The following TNC variants were observed in gnomAD, a reference collection of about 807,000 sequenced individuals.
TNC encodes tenascin C.
In TNC, 109 loss-of-function variants were observed where a neutral mutation model predicts 202.4. That is an observed-to-expected ratio of 0.54 (90% CI 0.46 to 0.63). TNC has a LOEUF of 0.63. Among genes scored for constraint, TNC ranks in the 30% least tolerant of loss-of-function variants. The pLI, the probability that TNC is intolerant of heterozygous loss-of-function variation, is 0.00. For missense variants in TNC, 2,756 were observed against 2,833.3 expected (o/e 0.97, Z 0.62); for synonymous variants, 1,007 against 1,089.7 (o/e 0.92, Z 1.50).
rs965460949 is a variant in TNC, at chr9:115,035,768, C to T, written c.5656+330G>A. On this transcript the variant is annotated intron_variant, in intron 21 of 27. Transcript: ENST00000350763. ...TAGGAAAAATTGCCTAAAAAATATG[C>T]CTCTTCAAAAATATTTTCCTGCCTG... is the stretch of plus-strand genomic sequence containing the variant. 16 of 290,602 alleles carry T rather than the reference C, an allele frequency of 5.5e-5. No homozygotes were observed. In the Admixed American group the frequency reaches 6.0e-4, roughly 11 times the overall value. The allele number at this position is 290,602 out of a possible 1,614,324, so 18.0% of individuals were successfully genotyped here.
At chr9:115,064,353 C>T (rs1424711492) in intron 11 of TNC, among the ~76,000 whole-genome samples, 5 of 152,228 alleles carry the variant, frequency 3.3e-5, no homozygotes, top group East Asian at 3.9e-4. Flanking sequence ...AGTGCCTTAA[C>T]GTCCTTTAAC....
At chr9:115,109,837 C>T (rs113218904) in intron 1 of TNC, among the ~76,000 whole-genome samples, 2 of 152,148 alleles carry the variant, frequency 1.3e-5, no homozygotes, top group East Asian at 1.9e-4. Flanking sequence ...GTGGGTGAAG[C>T]GTGAAAACAA....
chr9:115,108,829 C>T (rs1373040248), intron 1 of TNC, among the ~76,000 whole-genome samples: 1 of 152,126 alleles, frequency 6.6e-6, no homozygotes, highest in Non-Finnish European at 1.5e-5. Flanking sequence ...ATGTCTTCTG[C>T]CATGTGAGGA....
intron 21 of TNC, chr9:115,035,741 T>A (rs1019627439): frequency 1.8e-5 from 5 of 271,832 alleles, no homozygotes; most frequent in African/African-American, 1.1e-4. Flanking sequence ...CTAACAAACA[T>A]CTAGGAAAAA....
chr9:115,028,544 T>G (rs1251587755), intron 25 of TNC, among the ~76,000 whole-genome samples: 1 of 152,184 alleles, frequency 6.6e-6, no homozygotes, highest in African/African-American at 2.4e-5. Flanking sequence ...ACATAAGGGC[T>G]GAGTTTTGGT....
chr9:115,035,113 T>G, intron 22 of TNC, 91 bp downstream of exon 22: 3 of 1,420,612 alleles, frequency 2.1e-6, no homozygotes, highest in East Asian at 2.5e-5. Flanking sequence ...TGCACTGGGG[T>G]AGAAAAACAG....
At chr9:115,095,048 A>G (rs1190523599) in intron 1 of TNC, among the ~76,000 whole-genome samples, 5 of 152,120 alleles carry the variant, frequency 3.3e-5, no homozygotes, top group Non-Finnish European at 7.4e-5. Context: ...GAAGGGCACA[A>G]GTTTTATAGG....
chr9:115,088,205 T>C (rs2133567019), intron 2 of TNC, among the ~76,000 whole-genome samples: 1 of 152,368 alleles, frequency 6.6e-6, no homozygotes, highest in East Asian at 1.9e-4. Context: ...ATATCCGAGT[T>C]AAGTAAACCC....
chr9:115,111,194 T>G (rs1837018511), intron 1 of TNC, among the ~76,000 whole-genome samples: 1 of 152,142 alleles, frequency 6.6e-6, no homozygotes, highest in Non-Finnish European at 1.5e-5. Context: ...CTGGAGGCTG[T>G]GGCAGGCAGA....
intron 17 of TNC, among the ~76,000 whole-genome samples, chr9:115,044,745 T>A (rs776014053): frequency 1.3e-5 from 2 of 150,904 alleles, no homozygotes; most frequent in Non-Finnish European, 3.0e-5. Flanking sequence ...GACTGAGACC[T>A]GCATCCCAGG....
chr9:115,102,559 G>A (rs1351824994), intron 1 of TNC, among the ~76,000 whole-genome samples: 1 of 152,072 alleles, frequency 6.6e-6, no homozygotes, highest in Non-Finnish European at 1.5e-5. Flanking sequence ...GGTAACTTTG[G>A]CCTAAATTTA....
chr9:115,037,656 T>C (rs879941306), intron 20 of TNC, among the ~76,000 whole-genome samples: 2 of 152,094 alleles, frequency 1.3e-5, no homozygotes, highest in African/African-American at 2.4e-5. Context: ...GCCTGCCGAG[T>C]AGCTGGGACT....
At position 115,035,347 on chromosome 9, in the gene TNC, G is replaced by A; in HGVS notation, c.5657-13C>T. ...GGAGAATCGAGGTCTGGAGAAGACA[G>A]GATGATTAATATCGGATAAGATCAG... On this transcript the variant is annotated splice_polypyrimidine_tract_variant and intron_variant, in intron 21 of 27. Transcript: ENST00000350763. The A allele has an allele frequency of 6.2e-7, 1 of 1,603,748 alleles. No individual in the cohort carries two copies. Among genetic ancestry groups the A allele is most frequent in the Non-Finnish European group, 8.5e-7 (1 of 1,175,754 alleles).
chr9:115,088,903 G>T (rs772056473), intron 2 of TNC, among the ~76,000 whole-genome samples: 15 of 151,916 alleles, frequency 9.9e-5, no homozygotes, highest in Non-Finnish European at 1.9e-4. Context: ...TTGATTTCAG[G>T]CTGAAAAACC....
At chr9:115,054,234 T>A (rs931220426) in intron 15 of TNC, among the ~76,000 whole-genome samples, 2 of 152,152 alleles carry the variant, frequency 1.3e-5, no homozygotes, top group Non-Finnish European at 2.9e-5. Context: ...TAAACTTTAA[T>A]GGCACAATTA....
chr9:115,055,900 T>G (rs6478128), intron 15 of TNC, among the ~76,000 whole-genome samples: 95,573 of 152,084 alleles, frequency 0.63, 30,519 homozygotes, highest in African/African-American at 0.73. Context: ...AAAATCGGTT[T>G]GAGCCATGAG....
At chr9:115,062,672 C>CA (rs1262932231) in intron 13 of TNC, among the ~76,000 whole-genome samples, 24 of 150,634 alleles carry the variant, frequency 1.6e-4, no homozygotes, top group Admixed American at 8.6e-4. Context: ...TACACACACA[C>CA]ACTATATATA....
At position 115,036,121 on chromosome 9, in the gene TNC, G is replaced by A. The variant is rs1830306345; in HGVS notation, c.5633C>T (p.Thr1878Ile). The change falls in exon 21 of 28, where the codon ACC becomes ATC. Residue 1878 changes from threonine to isoleucine, a missense_variant. By Grantham distance (89) the Thr-to-Ile change is moderately conservative. Coordinates refer to ENST00000350763, the MANE Select transcript of TNC (RefSeq NM_002160.4). ...FAEKGPQKSS[T>I]ITAKFTTDLD... ...ACCTGTTGTGAACTTGGCAGTGATG[G>A]TTGAGCTCTTCTGGGGCCCTTTCTC... 2 of 1,614,180 alleles carry A rather than the reference G, an allele frequency of 1.2e-6. No individual in the cohort carries two copies. Among genetic ancestry groups the A allele is most frequent in the Non-Finnish European group, 1.7e-6 (2 of 1,180,016 alleles).
Position 115,091,056 on chromosome 9 carries a change from A to G in TNC, c.-38T>C, listed in dbSNP as rs770474827. The G allele has an allele frequency of 4.5e-6, 7 of 1,542,354 alleles. No individual in the cohort carries two copies. The South Asian group carries it at 6.7e-5, about 15-fold the overall frequency. On this transcript the variant is annotated 5_prime_UTR_variant, in exon 2 of 28. Transcript: ENST00000350763. The stretch of plus-strand genomic sequence containing the variant: ...TTTGGCTGGGTGCTGCTGGGGCTCT[A>G]GGGCTCTAGGGTATCTCACTTTCAG...
Sources: gnomAD v4.1 joint callset for allele counts (sites outside exome capture counted in the v4.1 genomes callset) on GRCh38, gnomAD v4.1.1 for gene constraint, MANE v1.5 for transcripts, NCBI Gene and HGNC (gene_info 2026-07-23, HGNC 2026-07-21) for gene names.